The following RGL1 variants were observed in gnomAD, a reference collection of about 807,000 sequenced individuals.
RGL1 encodes ral guanine nucleotide dissociation stimulator-like 1.
A neutral mutation model predicts 95.2 loss-of-function variants in RGL1; 24 were observed. The observed-to-expected ratio is 0.25, with a 90% confidence interval of 0.18 to 0.35. The LOEUF is 0.35. Among genes scored for constraint, RGL1 ranks in the 10% least tolerant of loss-of-function variants. RGL1 has a pLI of 1.00. For missense variants in RGL1, 715 were observed against 936.3 expected (o/e 0.76, Z 3.08); for synonymous variants, 329 against 344.9 (o/e 0.95, Z 0.51).
intron 3 of RGL1, among the ~76,000 whole-genome samples, chr1:183,864,594 G>A (rs1303518841): frequency 6.6e-6 from 1 of 152,234 alleles, no homozygotes; most frequent in Non-Finnish European, 1.5e-5. Flanking sequence ...CCTTGCTCAT[G>A]TGGGGCTGAG....
chr1:183,906,112 C>CAA (rs879612126), intron 13 of RGL1, among the ~76,000 whole-genome samples: 2 of 141,104 alleles, frequency 1.4e-5, no homozygotes, highest in Non-Finnish European at 1.6e-5. Context: ...TAAGTATTTA[C>CAA]AAAAAAAAAA....
intron 17 of RGL1, 50 bp from the exon 18 acceptor site, chr1:183,926,055 T>G (rs1295395223): frequency 6.5e-7 from 1 of 1,539,550 alleles, no homozygotes; most frequent in Non-Finnish European, 8.9e-7. Flanking sequence ...TTGTCAGTAC[T>G]GAGCTGACCT....
rs932829604 is a variant in RGL1, at chr1:183,926,783, C to G, written c.*491C>G. On this transcript the variant is annotated 3_prime_UTR_variant, in exon 18 of 18. Coordinates refer to ENST00000360851, the MANE Select transcript of RGL1 (RefSeq NM_001297671.3). The stretch of plus-strand genomic sequence containing the variant: ...TCCTTTGTGCCAGTATTACAAGAAG[C>G]CCAAACTTTATTTTTATAAAGGGAG... 3.3e-5 allele frequency: 5 copies of G among 152,538 alleles called. No homozygotes were observed. Among genetic ancestry groups the G allele is most frequent in the Admixed American group, 6.6e-5 (1 of 15,266 alleles). The allele number at this position is 152,538 out of a possible 1,614,324, so 9.4% of individuals were successfully genotyped here. A position where few individuals can be genotyped will look rare whatever the true frequency, so the allele number is the denominator to read the frequency against.
intron 15 of RGL1, among the ~76,000 whole-genome samples, chr1:183,915,934 A>T (rs1668934330): frequency 6.6e-6 from 1 of 152,170 alleles, no homozygotes; most frequent in Non-Finnish European, 1.5e-5. Context: ...CAGGTATGGG[A>T]CTAGTTGATG....
chr1:183,714,348 T>C (rs1655487701), intron 1 of RGL1, among the ~76,000 whole-genome samples: 1 of 152,312 alleles, frequency 6.6e-6, no homozygotes, highest in East Asian at 1.9e-4. Flanking sequence ...ATCTTGTCCC[T>C]TTTTAAACTG....
intron 1 of RGL1, among the ~76,000 whole-genome samples, chr1:183,708,063 A>G (rs550341504): frequency 6.6e-6 from 1 of 152,312 alleles, no homozygotes; most frequent in Non-Finnish European, 1.5e-5. Flanking sequence ...ATAAAGTCGA[A>G]TGTTCCATTT....
At chr1:183,707,122 C>T (rs901505615) in intron 1 of RGL1, among the ~76,000 whole-genome samples, 11 of 152,142 alleles carry the variant, frequency 7.2e-5, no homozygotes, top group African/African-American at 2.4e-4. Context: ...CGTCCAGGGG[C>T]CCTGTCTTGA....
chr1:183,906,316 T>TA (rs1668317742), intron 13 of RGL1, among the ~76,000 whole-genome samples: 1 of 152,172 alleles, frequency 6.6e-6, no homozygotes, highest in African/African-American at 2.4e-5. Flanking sequence ...GAATCACATA[T>TA]AAATTCCTCT....
intron 2 of RGL1, among the ~76,000 whole-genome samples, chr1:183,788,861 A>G (rs1660307274): frequency 6.6e-6 from 1 of 152,126 alleles, no homozygotes; most frequent in Non-Finnish European, 1.5e-5. Context: ...ATTCTTTTTA[A>G]TCTGTGCTCC....
intron 2 of RGL1, among the ~76,000 whole-genome samples, chr1:183,813,468 T>C (rs1026231298): frequency 2.0e-5 from 3 of 152,254 alleles, no homozygotes; most frequent in Admixed American, 2.0e-4. Flanking sequence ...GCTTGACTTC[T>C]CAGATTCCAG....
At chr1:183,773,607 T>C (rs1340373219) in intron 2 of RGL1, among the ~76,000 whole-genome samples, 1 of 152,204 alleles carries the variant, frequency 6.6e-6, no homozygotes. Flanking sequence ...TTTTACTGGA[T>C]TTCTGAGAAT....
intron 2 of RGL1, among the ~76,000 whole-genome samples, chr1:183,776,596 C>A (rs1255676434): frequency 6.6e-6 from 1 of 152,168 alleles, no homozygotes; most frequent in East Asian, 1.9e-4. Flanking sequence ...GATGTATAAA[C>A]TGGCAGGCAG....
At chr1:183,657,540 G>A (rs1463365727) in intron 1 of RGL1, among the ~76,000 whole-genome samples, 1 of 151,902 alleles carries the variant, frequency 6.6e-6, no homozygotes, top group East Asian at 1.9e-4. Flanking sequence ...AACATGCAGT[G>A]TTTGGTTTTT....
chr1:183,879,993 T>A (rs1228520741), intron 4 of RGL1, among the ~76,000 whole-genome samples: 1 of 152,238 alleles, frequency 6.6e-6, no homozygotes, highest in Non-Finnish European at 1.5e-5. Context: ...TTGTTCTTTA[T>A]CTTTTAAAGA....
At chr1:183,842,664 C>T (rs942077441) in intron 2 of RGL1, among the ~76,000 whole-genome samples, 2 of 152,162 alleles carry the variant, frequency 1.3e-5, no homozygotes, top group Admixed American at 1.3e-4. Flanking sequence ...AGTAAAGCGA[C>T]GGTCTATGAT....
intron 2 of RGL1, among the ~76,000 whole-genome samples, chr1:183,788,076 T>C (rs1372176278): frequency 2.0e-5 from 3 of 152,224 alleles, no homozygotes; most frequent in Non-Finnish European, 4.4e-5. Flanking sequence ...ACTCACTTGC[T>C]TCCCTTTTAC....
intron 15 of RGL1, among the ~76,000 whole-genome samples, chr1:183,915,733 G>A (rs74133033): frequency 0.022 from 3,288 of 152,306 alleles, 130 homozygotes; most frequent in African/African-American, 0.071. Flanking sequence ...TAAACATACC[G>A]AGGTAGCAGC....
At chr1:183,757,811 T>A (rs761888086) in intron 2 of RGL1, among the ~76,000 whole-genome samples, 9 of 152,266 alleles carry the variant, frequency 5.9e-5, no homozygotes, top group Non-Finnish European at 1.3e-4. Flanking sequence ...TATACATAGC[T>A]GTTTGGTGGC....
At chr1:183,649,479 A>G (rs1026912342) in intron 1 of RGL1, among the ~76,000 whole-genome samples, 3 of 152,202 alleles carry the variant, frequency 2.0e-5, no homozygotes, top group African/African-American at 4.8e-5. Flanking sequence ...ATCACTGGAA[A>G]TAATTTGGAG....
Sources: allele counts gnomAD v4.1 joint callset (sites outside exome capture counted in the v4.1 genomes callset), GRCh38; gene constraint gnomAD v4.1.1; transcripts MANE v1.5; gene names NCBI Gene and HGNC (gene_info 2026-07-23, HGNC 2026-07-21).